MAP2K5: variants seen among roughly 807,000 people sequenced by gnomAD.
MAP2K5 encodes the protein dual specificity mitogen-activated protein kinase kinase 5.
In MAP2K5, 49 loss-of-function variants were observed where a neutral mutation model predicts 83.1. The ratio of observed to expected loss-of-function variants is 0.59; its 90% CI spans 0.47 to 0.75. MAP2K5 has a LOEUF of 0.75. Among genes scored for constraint, MAP2K5 ranks in the 30% least tolerant of loss-of-function variants. MAP2K5 has a pLI of 0.00. For missense variants in MAP2K5, 457 were observed against 557.5 expected, an observed-to-expected ratio of 0.82 and a Z score of 1.82; for synonymous variants, 202 against 191.8, an observed-to-expected ratio of 1.05 and a Z score of -0.44.
chr15:67,615,155 G>A (rs1402437026), intron 8 of MAP2K5, among the ~76,000 whole-genome samples: 4 of 151,944 alleles, frequency 2.6e-5, no homozygotes, highest in South Asian at 2.1e-4. Context: ...GTGCCACCAC[G>A]CCCTGCTAAT....
intron 19 of MAP2K5, among the ~76,000 whole-genome samples, chr15:67,763,501 G>A (rs1032201968): frequency 1.3e-5 from 2 of 152,048 alleles, no homozygotes; most frequent in African/African-American, 4.8e-5. Context: ...GTACATTGAG[G>A]ACCTTTAAAA....
At chr15:67,714,639 G>T (rs2088787411) in intron 16 of MAP2K5, among the ~76,000 whole-genome samples, 1 of 152,026 alleles carries the variant, frequency 6.6e-6, no homozygotes, top group Non-Finnish European at 1.5e-5. Flanking sequence ...CTCAAATACT[G>T]ATATTTTCTC....
chr15:67,797,478 T>C (rs4432222), intron 21 of MAP2K5, among the ~76,000 whole-genome samples: 146,878 of 152,258 alleles, frequency 0.96, 71,079 homozygotes, highest in East Asian at 1. Context: ...TAATTTCTCC[T>C]GAGTACCTTG....
rs540153595 is a variant in MAP2K5 at position 67,783,090 on chromosome 15, G to T, written c.1242+10338G>T. ...CTGTTGTGAGACATGGAGAGAAGCC[G>T]ATGTGGGAATCACAGATGTGCATTT... On this transcript the variant is annotated intron_variant, in intron 21 of 21. Transcript: ENST00000178640. This position sits in a 1 kb window ranked among gnomAD's most constrained non-coding sequence, Gnocchi z 5.1. 6.6e-6 allele frequency among the ~76,000 whole-genome samples: 1 copy of T among 152,230 alleles called. No homozygotes were observed. The highest frequency in any genetic ancestry group is 6.5e-5 in the Admixed American group (1 of 15,288).
chr15:67,790,528 T>C lies in MAP2K5; in HGVS notation c.1243-16118T>C, dbSNP rs2090497547. Among the ~76,000 whole-genome samples the C allele has an allele frequency of 6.6e-6, 1 of 152,228 alleles. No individual in the cohort carries two copies. Among genetic ancestry groups the C allele is most frequent in the East Asian group, 1.9e-4 (1 of 5,204 alleles). On this transcript the variant is annotated intron_variant, in intron 21 of 21. Transcript: ENST00000178640. The surrounding 1 kb of genome is among the most constrained non-coding windows in gnomAD (Gnocchi z 4.6). ...TGCAACAGTTGGGATTCCTTTTTTCTATTTTGTGGTTTAGTTACATGGAAT... is the reference window on the plus strand; with the variant it reads ...TGCAACAGTTGGGATTCCTTTTTTCCATTTTGTGGTTTAGTTACATGGAAT...
At position 67,586,009 on chromosome 15, in the gene MAP2K5, A is replaced by G. The variant is rs2085281268; in HGVS notation, c.363+79A>G. On this transcript the variant is annotated intron_variant, in intron 5 of 21. Coordinates refer to ENST00000178640, the MANE Select transcript of MAP2K5 (RefSeq NM_145160.3). ...TTCCACTTATTGAAATGTCAAATAA[A>G]ACTGCACTTTCTCAAGCTCTGACAA... 25 of 1,295,186 alleles carry G rather than the reference A, an allele frequency of 1.9e-5. No homozygotes were observed. The South Asian group carries it at 3.0e-4, about 15-fold the overall frequency. 80.2% of individuals were successfully genotyped at this position (1,295,186 alleles called of 1,614,324 possible).
At chr15:67,739,895 A>C (rs537027778) in intron 17 of MAP2K5, among the ~76,000 whole-genome samples, 2 of 152,218 alleles carry the variant, frequency 1.3e-5, no homozygotes, top group African/African-American at 2.4e-5. Context: ...AAAAATGTTC[A>C]GTGATATGTG....
chr15:67,630,335 T>C (rs540176353), intron 8 of MAP2K5, among the ~76,000 whole-genome samples: 1 of 152,364 alleles, frequency 6.6e-6, no homozygotes, highest in Middle Eastern at 3.4e-3. Context: ...CATAAATGGA[T>C]ACATTTATAT....
chr15:67,578,335 G>A (rs553485444), intron 3 of MAP2K5, among the ~76,000 whole-genome samples: 25 of 152,196 alleles, frequency 1.6e-4, no homozygotes, highest in African/African-American at 6.0e-4. Flanking sequence ...TGCTCCGTAG[G>A]CAGTAGCCTG....
chr15:67,656,826 G>C (rs138976479), intron 11 of MAP2K5, among the ~76,000 whole-genome samples: 28 of 152,132 alleles, frequency 1.8e-4, no homozygotes, highest in African/African-American at 6.5e-4. Flanking sequence ...TGCCATTTTT[G>C]ATAGATCTGT....
chr15:67,646,363 T>G (rs747562689), intron 10 of MAP2K5, 25 bp from the exon 11 acceptor site: 1 of 1,482,016 alleles, frequency 6.7e-7, no homozygotes, highest in Non-Finnish European at 9.4e-7. Context: ...GGTTTATAAC[T>G]ACTTTTGTCT....
chr15:67,762,815 C>T (rs2089974517), intron 19 of MAP2K5, among the ~76,000 whole-genome samples: 2 of 152,122 alleles, frequency 1.3e-5, no homozygotes, highest in Non-Finnish European at 1.5e-5. Context: ...TGGCTAACAG[C>T]TGGTTCTCCT....
At chr15:67,590,417 C>CCCTT (rs2085374631) in intron 6 of MAP2K5, among the ~76,000 whole-genome samples, 2 of 131,222 alleles carry the variant, frequency 1.5e-5, no homozygotes, top group African/African-American at 2.8e-5. Flanking sequence ...CTCCCTCTCT[C>CCCTT]CCTCCCTCCC....
chr15:67,687,296 CA>C (rs2087982337), intron 13 of MAP2K5, among the ~76,000 whole-genome samples: 1 of 152,040 alleles, frequency 6.6e-6, no homozygotes, highest in Non-Finnish European at 1.5e-5. Flanking sequence ...GAGTAGAACA[CA>C]AAAAGCTGTA....
chr15:67,609,496 T>C (rs1481949789), intron 8 of MAP2K5, among the ~76,000 whole-genome samples: 2 of 123,810 alleles, frequency 1.6e-5, no homozygotes, highest in African/African-American at 6.4e-5. Context: ...TATAGGTCTA[T>C]AGATTCTGTA....
chr15:67,614,219 A>T (rs1049834783), intron 8 of MAP2K5, among the ~76,000 whole-genome samples: 1 of 152,190 alleles, frequency 6.6e-6, no homozygotes, highest in Non-Finnish European at 1.5e-5. Flanking sequence ...CCTTGTCTAT[A>T]AAGTGGTGAT....
At position 67,747,185 on chromosome 15, in the gene MAP2K5, C is replaced by G. The variant is rs184013224; in HGVS notation, c.1075-1046C>G. 1.4e-4 allele frequency among the ~76,000 whole-genome samples: 22 copies of G among 152,282 alleles called. 1 individual carries two copies. The Middle Eastern group carries it at 0.014, about 94-fold the overall frequency. Reference sequence around the variant, plus strand: ...ATAGAATAAAGATGATCATCCCTGCCAAACTCAGGGTGGTTGTACAGATCA... The same window carrying G: ...ATAGAATAAAGATGATCATCCCTGCGAAACTCAGGGTGGTTGTACAGATCA... On this transcript the variant is annotated intron_variant, in intron 17 of 21. Coordinates refer to ENST00000178640, the MANE Select transcript of MAP2K5 (RefSeq NM_145160.3). The surrounding 1 kb of genome is among the most constrained non-coding windows in gnomAD (Gnocchi z 4.1).
Position 67,580,741 on chromosome 15 carries a change from A to C in MAP2K5, c.253-13A>C. The C allele has an allele frequency of 6.6e-7, 1 of 1,525,050 alleles. No individual in the cohort carries two copies. The highest frequency in any genetic ancestry group is 9.1e-7 in the Non-Finnish European group (1 of 1,100,740). 94.5% of individuals were successfully genotyped at this position (1,525,050 alleles called of 1,614,324 possible). On this transcript the variant is annotated splice_polypyrimidine_tract_variant and intron_variant, in intron 3 of 21. Transcript: ENST00000178640. ...ACATTACTGAGTGATCTCTTTCTAT[A>C]ATCTCTTTGCAGTATTATTCCACAG...
chr15:67,622,576 C>T (rs1319340159), intron 8 of MAP2K5, among the ~76,000 whole-genome samples: 3 of 151,210 alleles, frequency 2.0e-5, no homozygotes, highest in Non-Finnish European at 4.4e-5. Context: ...TTTTTTCATC[C>T]AGAAGTAGTA....
Sources: gnomAD v4.1 joint callset for allele counts (sites outside exome capture counted in the v4.1 genomes callset) on GRCh38, gnomAD v4.1.1 for gene constraint, Gnocchi (gnomAD v3.1) non-coding constraint, MANE v1.5 for transcripts, NCBI Gene and HGNC (gene_info 2026-07-23, HGNC 2026-07-21) for gene names.